Variants in NCOR1 observed in about 807,000 individuals in gnomAD.
NCOR1 encodes protein phosphatase 1, regulatory subunit 109.
NCOR1 carries 63 observed loss-of-function variants against 288.1 expected under a neutral mutation model. That is an observed-to-expected ratio of 0.22 (90% confidence interval 0.18 to 0.27). The LOEUF is 0.27. Ranked by LOEUF, NCOR1 falls within the 10% of genes least tolerant of loss-of-function variation. The probability of loss-of-function intolerance (pLI) is 1.00; values close to 1 mark genes in which losing one functional copy is unlikely to be tolerated. For missense variants in NCOR1, 2,397 were observed against 3,019.2 expected, an observed-to-expected ratio of 0.79 and a Z score of 4.83; for synonymous variants, 1,007 against 1,065.9, an observed-to-expected ratio of 0.94 and a Z score of 1.08.
At chr17:16,112,750 A>G (rs912493515) in intron 18 of NCOR1, among the ~76,000 whole-genome samples, 3 of 152,126 alleles carry the variant, frequency 2.0e-5, no homozygotes, top group Admixed American at 6.5e-5. Flanking sequence ...CGGCCTCCCA[A>G]CGTGCTGGGA....
intron 41 of NCOR1, among the ~76,000 whole-genome samples, chr17:16,048,295 C>A (rs1408220528): frequency 1.3e-5 from 2 of 152,118 alleles, no homozygotes; most frequent in Non-Finnish European, 2.9e-5. Flanking sequence ...GAATGCGCAG[C>A]ATACACCTGG....
At chr17:16,212,458 T>C (rs1045373785) in intron 1 of NCOR1, among the ~76,000 whole-genome samples, 1 of 152,172 alleles carries the variant, frequency 6.6e-6, no homozygotes, top group African/African-American at 2.4e-5. Flanking sequence ...AATAAGACTA[T>C]ACACAATAAA....
chr17:16,047,204 T>C, intron 41 of NCOR1, 111 bp from the exon 42 acceptor site: 2 of 1,141,320 alleles, frequency 1.8e-6, no homozygotes, highest in African/African-American at 1.6e-5. Context: ...TGCCTCCTCA[T>C]CCTGTGTTTG....
chr17:16,176,173 C>T (rs750863104), intron 3 of NCOR1, among the ~76,000 whole-genome samples: 3 of 151,916 alleles, frequency 2.0e-5, no homozygotes, highest in Non-Finnish European at 2.9e-5. Flanking sequence ...GAGCCGAGAT[C>T]GCATCATTGC....
intron 41 of NCOR1, among the ~76,000 whole-genome samples, chr17:16,047,462 G>A (rs576084895): frequency 6.6e-6 from 1 of 152,058 alleles, no homozygotes; most frequent in African/African-American, 2.4e-5. Flanking sequence ...ACCTAAACTG[G>A]GAACAATTTT....
intron 3 of NCOR1, among the ~76,000 whole-genome samples, chr17:16,173,701 G>C (rs538848621): frequency 8.5e-5 from 13 of 152,252 alleles, no homozygotes; most frequent in Admixed American, 3.3e-4. Flanking sequence ...AGGCCGGGGC[G>C]TGTGGATCAT....
chr17:16,046,898 TATC>T, intron 42 of NCOR1, 50 bp downstream of exon 42: 2 of 1,596,908 alleles, frequency 1.3e-6, no homozygotes, highest in South Asian at 2.3e-5. Flanking sequence ...ACACTGGAGA[TATC>T]ATTATTAATG....
rs1426746497 is a variant in NCOR1, at chr17:16,032,503, G to C, written c.7136-20C>G. 6.4e-7 allele frequency: 1 copy of C among 1,558,454 alleles called. No individual in the cohort carries two copies. The highest frequency in any genetic ancestry group is 2.4e-5 in the East Asian group (1 of 42,374). ...TTGAGCCTGACAAAAGAAAAATTAG[G>C]TTTTCATTGTCATGAACATAACTGG... is the stretch of plus-strand genomic sequence containing the variant. On this transcript the variant is annotated intron_variant, in intron 45 of 45. Coordinates refer to ENST00000268712, the MANE Select transcript of NCOR1 (RefSeq NM_006311.4).
intron 2 of NCOR1, among the ~76,000 whole-genome samples, chr17:16,187,511 G>C (rs181795416): frequency 7.1e-6 from 1 of 140,516 alleles, no homozygotes; most frequent in Non-Finnish European, 1.5e-5. Context: ...CTAGAACACA[G>C]ACAAACATAG....
rs1271372725 is a variant in NCOR1, at chr17:16,117,891, C to T, written c.2052G>A (p.Gln684=). 1 of 1,613,244 alleles carries T rather than the reference C, an allele frequency of 6.2e-7. No homozygotes were observed. Among genetic ancestry groups the T allele is most frequent in the African/African-American group, 1.3e-5 (1 of 74,984 alleles). ...NLDNLLQQHK[Q]KTSRKPREER... ...GTCACCACCCCAATATACTCACTTT[C>T]TGTTTATGCTGCTGTAAGAGGTTGT... Residue 684 remains glutamine, a synonymous_variant, in exon 18 of 46, where the codon CAG becomes CAA. Transcript: ENST00000268712.
intron 8 of NCOR1, chr17:16,151,693 T>A (rs2078891774): frequency 8.0e-7 from 1 of 1,253,466 alleles, no homozygotes; most frequent in Non-Finnish European, 1.1e-6. Context: ...ATCCACCTTT[T>A]TTACTAGCAG....
At chr17:16,142,644 C>T (rs1181385352) in intron 11 of NCOR1, among the ~76,000 whole-genome samples, 4 of 152,068 alleles carry the variant, frequency 2.6e-5, no homozygotes, top group South Asian at 2.1e-4. Context: ...TTAAAATAAC[C>T]GCACTCATGA....
rs778539052 is a variant in NCOR1 at position 16,032,341 on chromosome 17, T to C, written c.7278A>G (p.Pro2426=). Reference sequence around the variant, plus strand: ...GGGTCTCGTACTGTGCTGAGAGCAGTGGGGCAGGCTCTCGCTCCCAGATCC... The same window carrying C: ...GGGTCTCGTACTGTGCTGAGAGCAGCGGGGCAGGCTCTCGCTCCCAGATCC... The part of the protein sequence containing the change: ...QNRIWEREPA[P]LLSAQYETLS... Residue 2426 remains proline, a synonymous_variant, in exon 46 of 46, where the codon CCA becomes CCG. Transcript: ENST00000268712. 1.3e-5 allele frequency: 21 copies of C among 1,613,996 alleles called. No homozygotes were observed. Among genetic ancestry groups the C allele is most frequent in the African/African-American group, 2.7e-5 (2 of 74,902 alleles).
At chr17:16,095,505 T>G (rs1418312991) in intron 21 of NCOR1, among the ~76,000 whole-genome samples, 1 of 106,640 alleles carries the variant, frequency 9.4e-6, no homozygotes, top group Non-Finnish European at 1.9e-5. Flanking sequence ...GTCAGCCCCC[T>G]GCCCGGCCAG....
intron 6 of NCOR1, among the ~76,000 whole-genome samples, chr17:16,156,942 ATTTATT>A (rs2079908157): frequency 6.6e-6 from 1 of 152,120 alleles, no homozygotes; most frequent in African/African-American, 2.4e-5. Flanking sequence ...ACCAAATCCA[ATTTATT>A]TGAAAAATAA....
At chr17:16,171,736 T>C in intron 4 of NCOR1, 67 bp downstream of exon 4, 1 of 1,330,170 alleles carries the variant, frequency 7.5e-7, no homozygotes, top group Non-Finnish European at 9.9e-7. Context: ...TGAGGTGCTA[T>C]GCATGAGTAT....
intron 39 of NCOR1, 67 bp from the exon 40 acceptor site, chr17:16,057,804 G>T: frequency 6.6e-7 from 1 of 1,504,800 alleles, no homozygotes; most frequent in Non-Finnish European, 9.0e-7. Flanking sequence ...ATAGTATTAA[G>T]AAATCTAGAT....
intron 1 of NCOR1, among the ~76,000 whole-genome samples, chr17:16,210,877 G>A (rs528687161): frequency 3.3e-5 from 5 of 152,074 alleles, no homozygotes; most frequent in East Asian, 3.9e-4. Context: ...CTACAGGTGC[G>A]TGCCATCATG....
chr17:16,068,310 T>A, intron 31 of NCOR1, 189 bp from the exon 32 acceptor site: 1 of 579,574 alleles, frequency 1.7e-6, no homozygotes, highest in Non-Finnish European at 3.0e-6. Context: ...AAACAACTAG[T>A]AGAAACTGAG....
Sources: allele counts gnomAD v4.1 joint callset (sites outside exome capture counted in the v4.1 genomes callset), GRCh38; gene constraint gnomAD v4.1.1; transcripts MANE v1.5; gene names NCBI Gene and HGNC (gene_info 2026-07-23, HGNC 2026-07-21).